The following IL1RAPL1 variants were observed in gnomAD, a reference collection of about 807,000 sequenced individuals.
IL1RAPL1 encodes the protein interleukin-1 receptor accessory protein-like 1.
Under a neutral mutation model 48.4 loss-of-function variants are expected in IL1RAPL1, and 3 were observed. The ratio of observed to expected loss-of-function variants is 0.06; its 90% CI spans 0.03 to 0.16. IL1RAPL1 has a LOEUF of 0.16. Among genes scored for constraint, IL1RAPL1 ranks in the 10% least tolerant of loss-of-function variants. The pLI is 1.00. For synonymous variants in IL1RAPL1, 185 were observed against 187.7 expected, an observed-to-expected ratio of 0.99 and a Z score of 0.12; for missense variants, 349 against 530.6, an observed-to-expected ratio of 0.66 and a Z score of 3.36.
chrX:28,649,095 T>C lies in IL1RAPL1; in HGVS notation c.-25+61048T>C, dbSNP rs1338864537. Among the ~76,000 whole-genome samples, 5 of 112,196 alleles carry C rather than the reference T, an allele frequency of 4.5e-5. No homozygotes were observed. In the East Asian group the frequency reaches 1.4e-3, roughly 31 times the overall value. ...GTATCTCCATTTCCTGGCACAAACA[T>C]TGCTTAGCACAAAGTAGGTACTCAA... On this transcript the variant is annotated intron_variant, in intron 1 of 10. Coordinates refer to ENST00000378993, the MANE Select transcript of IL1RAPL1 (RefSeq NM_014271.4).
intron 1 of IL1RAPL1, among the ~76,000 whole-genome samples, chrX:28,599,371 T>A (rs751096126): frequency 2.5e-4 from 28 of 111,030 alleles, no homozygotes; most frequent in Middle Eastern, 4.6e-3. Context: ...TAAGTTACAA[T>A]GGATATTGGA....
intron 5 of IL1RAPL1, among the ~76,000 whole-genome samples, chrX:29,467,461 C>T (rs1279704975): frequency 8.9e-6 from 1 of 112,377 alleles, no homozygotes; most frequent in Non-Finnish European, 1.9e-5. Flanking sequence ...GTGGGACTTG[C>T]GAAGGGGTCG....
intron 5 of IL1RAPL1, among the ~76,000 whole-genome samples, chrX:29,593,511 T>C (rs1923448279): frequency 8.9e-6 from 1 of 112,023 alleles, no homozygotes; most frequent in Non-Finnish European, 1.9e-5. Context: ...ATTTTGTAAG[T>C]TGTAGGTCAC....
intron 1 of IL1RAPL1, among the ~76,000 whole-genome samples, chrX:28,619,787 A>T (rs1234408524): frequency 9.0e-6 from 1 of 110,995 alleles, no homozygotes; most frequent in Non-Finnish European, 1.9e-5. Context: ...AATTAAGTTT[A>T]ACATTTTGAA....
rs190771183 is a variant in IL1RAPL1, at chrX:28,785,949, A to G, written c.-24-3371A>G. Among the ~76,000 whole-genome samples, 714 of 111,866 alleles carry G rather than the reference A, an allele frequency of 6.4e-3. 4 individuals are homozygous for G. Among genetic ancestry groups the G allele is most frequent in the African/African-American group, 0.022 (678 of 30,801 alleles). The stretch of plus-strand genomic sequence containing the variant: ...AAATATCAAAATTGAACTGCATATA[A>G]TAGCAACCATATCCAGTCTTTCATT... On this transcript the variant is annotated intron_variant, in intron 1 of 10. Transcript: ENST00000378993.
intron 2 of IL1RAPL1, among the ~76,000 whole-genome samples, chrX:29,000,629 A>G (rs866279591): frequency 2.7e-5 from 3 of 112,011 alleles, no homozygotes; most frequent in Non-Finnish European, 5.6e-5. Context: ...TTTTCTTACC[A>G]GTATCATACC....
Position 29,184,779 on chromosome X carries a change from G to A in IL1RAPL1, c.83-98159G>A, listed in dbSNP as rs374141996. ...GCTTCCCAAAGTGCTAGGATTGCAA[G>A]CATGAGCCACCGCACCCACCCACAT... is the stretch of plus-strand genomic sequence containing the variant. On this transcript the variant is annotated intron_variant, in intron 2 of 10. Transcript: ENST00000378993. Among the ~76,000 whole-genome samples, 253 of 112,137 alleles carry A rather than the reference G, an allele frequency of 2.3e-3. 1 individual carries two copies. Among genetic ancestry groups the A allele is most frequent in the African/African-American group, 7.8e-3 (241 of 30,857 alleles).
intron 5 of IL1RAPL1, among the ~76,000 whole-genome samples, chrX:29,630,442 C>T (rs763319211): frequency 2.1e-4 from 24 of 111,655 alleles, no homozygotes; most frequent in African/African-American, 7.5e-4. Context: ...TATCTAAATT[C>T]AAATCACCTT....
At position 29,807,621 on chromosome X, in the gene IL1RAPL1, C is replaced by CAAAAAA. The variant is rs60391165; in HGVS notation, c.779-109820_779-109815dup. Among the ~76,000 whole-genome samples the CAAAAAA allele has an allele frequency of 4.3e-3, 113 of 26,032 alleles. 2 individuals are homozygous for CAAAAAA. Among genetic ancestry groups the CAAAAAA allele is most frequent in the African/African-American group, 5.8e-3 (47 of 8,112 alleles). 22.6% of individuals were successfully genotyped at this position (26,032 alleles called of 115,157 possible). ...CAGAGCAAGACTCTGTCTCTCAAGACAAAAAAAAAAAAAAAAAAAAAAAAA... is the reference window on the plus strand; with the variant it reads ...CAGAGCAAGACTCTGTCTCTCAAGACAAAAAAAAAAAAAAAAAAAAAAAAAAAAAAA... On this transcript the variant is annotated intron_variant, in intron 6 of 10. Transcript: ENST00000378993.
At chrX:29,693,378 G>A (rs748539870) in intron 6 of IL1RAPL1, among the ~76,000 whole-genome samples, 5 of 111,982 alleles carry the variant, frequency 4.5e-5, no homozygotes, top group Non-Finnish European at 7.5e-5. Context: ...CTGCCGTGGT[G>A]TCCTTCCTTG....
chrX:29,220,257 A>G (rs1930949652), intron 2 of IL1RAPL1, among the ~76,000 whole-genome samples: 1 of 112,412 alleles, frequency 8.9e-6, no homozygotes, highest in African/African-American at 3.2e-5. Flanking sequence ...TGTTCATGTT[A>G]TAGATTTCAA....
intron 2 of IL1RAPL1, among the ~76,000 whole-genome samples, chrX:29,208,449 CG>C (rs1930705884): frequency 9.0e-6 from 1 of 111,040 alleles, no homozygotes; most frequent in Non-Finnish European, 1.9e-5. Flanking sequence ...CGGTGGCTCA[CG>C]CCTGTAATCC....
intron 1 of IL1RAPL1, among the ~76,000 whole-genome samples, chrX:28,616,890 G>T (rs940899281): frequency 8.0e-5 from 9 of 112,235 alleles, no homozygotes; most frequent in African/African-American, 2.9e-4. Context: ...CACAGTGGAA[G>T]ACAACTAATG....
chrX:29,795,737 G>T (rs1601825870), intron 6 of IL1RAPL1, among the ~76,000 whole-genome samples: 2 of 112,863 alleles, frequency 1.8e-5, no homozygotes, highest in Non-Finnish European at 3.7e-5. Context: ...TCTGTTGACT[G>T]CATATAACTT....
At chrX:28,904,330 G>T (rs763198177) in intron 2 of IL1RAPL1, among the ~76,000 whole-genome samples, 4 of 111,712 alleles carry the variant, frequency 3.6e-5, no homozygotes, top group Non-Finnish European at 7.5e-5. Context: ...AGCATTCTTA[G>T]TTGGAATGGT....
chrX:29,917,704 A>G (rs1601882510), intron 7 of IL1RAPL1, 108 bp downstream of exon 7: 1 of 583,488 alleles, frequency 1.7e-6, no homozygotes, highest in East Asian at 3.6e-5. Context: ...TATCATAATA[A>G]AAATACTACA....
chrX:28,644,997 G>A (rs1046075477), intron 1 of IL1RAPL1, among the ~76,000 whole-genome samples: 5 of 110,717 alleles, frequency 4.5e-5, no homozygotes, highest in South Asian at 3.8e-4. Flanking sequence ...TAAGAAGAAC[G>A]GTAAGACATT....
intron 8 of IL1RAPL1, among the ~76,000 whole-genome samples, chrX:29,925,763 C>G (rs1932885291): frequency 9.1e-6 from 1 of 110,131 alleles, no homozygotes; most frequent in Non-Finnish European, 1.9e-5. Context: ...TGGTCTTGAA[C>G]TCCTCGGCTT....
intron 3 of IL1RAPL1, among the ~76,000 whole-genome samples, chrX:29,367,767 C>T (rs2147664326): frequency 9.2e-6 from 1 of 108,488 alleles, no homozygotes; most frequent in East Asian, 2.9e-4. Context: ...TTTTAGGAGA[C>T]AGGTTTTCAC....
Sources: allele counts gnomAD v4.1 joint callset (sites outside exome capture counted in the v4.1 genomes callset), GRCh38; gene constraint gnomAD v4.1.1; transcripts MANE v1.5; gene names NCBI Gene and HGNC (gene_info 2026-07-23, HGNC 2026-07-21).